Variants in ARHGAP31 observed in about 807,000 individuals in gnomAD.
ARHGAP31 encodes rho GTPase-activating protein 31.
Under a neutral mutation model 113.9 loss-of-function variants are expected in ARHGAP31, and 34 were observed. That is an observed-to-expected ratio of 0.30 (90% CI 0.23 to 0.40). ARHGAP31 has a LOEUF of 0.40. ARHGAP31 is among the 10% of genes least tolerant of loss of function. The probability of loss-of-function intolerance (pLI) is 1.00; values close to 1 mark genes in which losing one functional copy is unlikely to be tolerated. For missense variants in ARHGAP31, 1,548 were observed against 1,767.1 expected, an observed-to-expected ratio of 0.88 and a Z score of 2.22; for synonymous variants, 650 against 684.8, an observed-to-expected ratio of 0.95 and a Z score of 0.79.
Position 119,414,880 on chromosome 3 carries a change from C to G in ARHGAP31, c.2951C>G (p.Ser984Cys). ...SCANLETERN[S>C]DPLQPQAPRR... ...GCTAATCTTGAAACAGAGAGGAATT[C>G]TGACCCTCTTCAGCCCCAGGCACCC... Residue 984 changes from serine (S) to cysteine (C), a missense_variant, in exon 12 of 12, where the codon TCT becomes TGT. Physicochemically the swap from Ser to Cys is moderately radical, Grantham distance 112. Transcript: ENST00000264245. The G allele has an allele frequency of 6.2e-7, 1 of 1,614,226 alleles. No individual in the cohort carries two copies. Among genetic ancestry groups the G allele is most frequent in the Non-Finnish European group, 8.5e-7 (1 of 1,180,040 alleles).
At chr3:119,355,102 T>A (rs1011207570) in intron 1 of ARHGAP31, among the ~76,000 whole-genome samples, 2 of 152,178 alleles carry the variant, frequency 1.3e-5, no homozygotes, top group Non-Finnish European at 2.9e-5. Flanking sequence ...TTGGGGCTTT[T>A]TCTATTCTTC....
intron 10 of ARHGAP31, among the ~76,000 whole-genome samples, chr3:119,406,382 C>T (rs1285517283): frequency 2.0e-5 from 3 of 152,158 alleles, no homozygotes; most frequent in African/African-American, 7.2e-5. Flanking sequence ...TACCCTTTCA[C>T]CCAAAAGTTT....
intron 7 of ARHGAP31, 24 bp from the exon 8 acceptor site, chr3:119,393,443 C>A (rs1406100251): frequency 6.2e-7 from 1 of 1,613,670 alleles, no homozygotes; most frequent in Non-Finnish European, 8.5e-7. Context: ...AACAAACTAA[C>A]CCCTTATGCC....
intron 3 of ARHGAP31, among the ~76,000 whole-genome samples, chr3:119,373,402 A>G (rs546384610): frequency 6.6e-6 from 1 of 151,936 alleles, no homozygotes; most frequent in Non-Finnish European, 1.5e-5. Flanking sequence ...TAATGTTATC[A>G]TTTCACACTG....
At chr3:119,400,738 A>C (rs552341877) in intron 9 of ARHGAP31, among the ~76,000 whole-genome samples, 2 of 152,346 alleles carry the variant, frequency 1.3e-5, no homozygotes, top group East Asian at 3.9e-4. Context: ...AATTTTAAGC[A>C]TACAGTTATG....
In ARHGAP31 at chr3:119,414,518, C is replaced by T; in HGVS notation, c.2589C>T (p.Ser863=). 1.4e-5 allele frequency: 22 copies of T among 1,614,196 alleles called. No homozygotes were observed. The highest frequency in any genetic ancestry group is 1.5e-5 in the Non-Finnish European group (18 of 1,180,038). ...AGGGGAAAGGCTGTGGTTTTCCAAG[C>T]CCAACCAGGGAGGTTGAGATCGTCT... ...ASEGKGCGFP[S]PTREVEIVSQ... Residue 863 remains serine (S), a synonymous_variant, in exon 12 of 12, where the codon AGC becomes AGT. Coordinates refer to ENST00000264245, the MANE Select transcript of ARHGAP31 (RefSeq NM_020754.4).
intron 1 of ARHGAP31, among the ~76,000 whole-genome samples, chr3:119,327,401 C>T (rs1039051696): frequency 1.4e-4 from 22 of 151,836 alleles, no homozygotes; most frequent in African/African-American, 2.7e-4. Flanking sequence ...AAAAATTAGC[C>T]GGGCATGGTG....
At chr3:119,303,074 C>G (rs1041766063) in intron 1 of ARHGAP31, among the ~76,000 whole-genome samples, 4 of 152,202 alleles carry the variant, frequency 2.6e-5, no homozygotes, top group African/African-American at 9.7e-5. Context: ...GTTATGCATT[C>G]TACCTGTTGT....
intron 1 of ARHGAP31, among the ~76,000 whole-genome samples, chr3:119,355,978 C>G (rs1336866117): frequency 6.6e-6 from 1 of 152,164 alleles, no homozygotes; most frequent in East Asian, 1.9e-4. Flanking sequence ...AGACACGGGA[C>G]TGTCCTCATT....
At chr3:119,339,509 A>G (rs952466054) in intron 1 of ARHGAP31, among the ~76,000 whole-genome samples, 2 of 152,170 alleles carry the variant, frequency 1.3e-5, no homozygotes, top group South Asian at 2.1e-4. Context: ...GAGGCCTAGT[A>G]TATAGCTACA....
intron 1 of ARHGAP31, among the ~76,000 whole-genome samples, chr3:119,332,676 C>CAT (rs1559969805): frequency 1.3e-5 from 2 of 148,638 alleles, no homozygotes; most frequent in Non-Finnish European, 3.0e-5. Flanking sequence ...CACACACACA[C>CAT]GCATGCACGC....
rs766834294 is a variant in ARHGAP31, at chr3:119,401,826, A to G, written c.1074A>G (p.Lys358=). 3.1e-6 allele frequency: 5 copies of G among 1,614,006 alleles called. No homozygotes were observed. Among genetic ancestry groups the G allele is most frequent in the Non-Finnish European group, 4.2e-6 (5 of 1,180,022 alleles). ...DSLCSVPVEG[K]ETKGNFNRTV... The stretch of plus-strand genomic sequence containing the variant: ...ACACTTGTTCCTTTTTACTAGGAAA[A>G]GAAACCAAGGGAAATTTCAATCGAA... Residue 358 remains lysine (K), a synonymous_variant, in exon 10 of 12, where the codon AAA becomes AAG. Coordinates refer to ENST00000264245, the MANE Select transcript of ARHGAP31 (RefSeq NM_020754.4).
At chr3:119,388,320 A>G (rs913119381) in intron 6 of ARHGAP31, among the ~76,000 whole-genome samples, 1 of 148,960 alleles carries the variant, frequency 6.7e-6, no homozygotes, top group Non-Finnish European at 1.5e-5. Flanking sequence ...ATATATATAT[A>G]TATATGTACA....
chr3:119,294,605 T>A lies in ARHGAP31; in HGVS notation c.-300T>A, dbSNP rs534110197. 5 of 535,104 alleles carry A rather than the reference T, an allele frequency of 9.3e-6. No homozygotes were observed. The South Asian group carries it at 1.4e-4, about 15-fold the overall frequency. 33.1% of individuals were successfully genotyped at this position (535,104 alleles called of 1,614,324 possible). On this transcript the variant is annotated 5_prime_UTR_variant, in exon 1 of 12. Coordinates refer to ENST00000264245, the MANE Select transcript of ARHGAP31 (RefSeq NM_020754.4). ...AACACCCGAAGACACCGCAGGAGCC[T>A]GTGAAAGTCCCTAGGACTCCAAGTG...
At chr3:119,384,653 A>G (rs1442669436) in intron 6 of ARHGAP31, among the ~76,000 whole-genome samples, 2 of 152,180 alleles carry the variant, frequency 1.3e-5, no homozygotes, top group African/African-American at 4.8e-5. Flanking sequence ...TGCAATAATG[A>G]CATGAATCCA....
intron 1 of ARHGAP31, among the ~76,000 whole-genome samples, chr3:119,354,398 A>C (rs2080137399): frequency 6.6e-6 from 1 of 152,196 alleles, no homozygotes; most frequent in Non-Finnish European, 1.5e-5. Context: ...CAAAATTAAA[A>C]ATAGAGAAAA....
At position 119,390,811 on chromosome 3, in the gene ARHGAP31, A is replaced by C; in HGVS notation, c.709A>C (p.Thr237Pro). ...AAACCGGCCCATCATGAAGAGCCTG[A>C]CCTTGCCAGCCCTCTCCCTGCCCAT... ...DENRPIMKSL[T>P]LPALSLPMKL... The change falls in exon 7 of 12, where the codon ACC becomes CCC. Residue 237 changes from threonine to proline, a missense_variant. Transcript: ENST00000264245. 6.2e-7 allele frequency: 1 copy of C among 1,612,898 alleles called. No homozygotes were observed. Among genetic ancestry groups the C allele is most frequent in the Non-Finnish European group, 8.5e-7 (1 of 1,179,990 alleles).
At chr3:119,388,520 A>G (rs1254547053) in intron 6 of ARHGAP31, among the ~76,000 whole-genome samples, 1 of 151,788 alleles carries the variant, frequency 6.6e-6, no homozygotes, top group East Asian at 1.9e-4. Flanking sequence ...TGTGGAGGAG[A>G]GGCTGAGAGG....
intron 1 of ARHGAP31, among the ~76,000 whole-genome samples, chr3:119,300,847 AAAG>A (rs1559959457): frequency 2.8e-4 from 19 of 68,094 alleles, no homozygotes; most frequent in African/African-American, 1.3e-3. Context: ...AAAAAAAAAG[AAAG>A]AAAGAAAGAA....
Sources: gnomAD v4.1 joint callset for allele counts (sites outside exome capture counted in the v4.1 genomes callset) on GRCh38, gnomAD v4.1.1 for gene constraint, MANE v1.5 for transcripts, NCBI Gene and HGNC (gene_info 2026-07-23, HGNC 2026-07-21) for gene names.